Variants in NXPE2 observed in about 807,000 individuals in gnomAD.
NXPE2 encodes the protein neurexophilin and PC-esterase domain family member 2.
In NXPE2, 34 loss-of-function variants were observed where a neutral mutation model predicts 34.4. That is an observed-to-expected ratio of 0.99 (90% CI 0.75 to 1.31). The LOEUF (loss-of-function observed/expected upper bound fraction) is 1.31. Among genes scored for constraint, NXPE2 ranks in the 40% most tolerant of loss-of-function variants. The probability of loss-of-function intolerance (pLI) is 0.00; values close to 1 mark genes in which losing one functional copy is unlikely to be tolerated. For synonymous variants in NXPE2, 235 were observed against 231.3 expected (o/e 1.02, Z -0.15); for missense variants, 649 against 672.5 (o/e 0.97, Z 0.39).
chr11:114,708,651 G>GAAAAT, downstream of NXPE2, among the ~76,000 whole-genome samples: 1 of 151,294 alleles, frequency 6.6e-6, no homozygotes, highest in South Asian at 2.1e-4. Context: ...GAAAAGAAAA[G>GAAAAT]AAAAGAAAAG....
chr11:114,524,434 C>G, the NXPE2 span, among the ~76,000 whole-genome samples: 1 of 152,114 alleles, frequency 6.6e-6, no homozygotes, highest in African/African-American at 2.4e-5. Flanking sequence ...GTATTTGTAA[C>G]CTATGGACAA....
the NXPE2 span, among the ~76,000 whole-genome samples, chr11:114,591,630 TC>T: frequency 6.6e-6 from 1 of 152,100 alleles, no homozygotes; most frequent in African/African-American, 2.4e-5. Flanking sequence ...TTTCCAGCCC[TC>T]AGGATGACTA....
chr11:114,526,271 C>T, the NXPE2 span, among the ~76,000 whole-genome samples: 2 of 152,138 alleles, frequency 1.3e-5, no homozygotes, highest in African/African-American at 4.8e-5. Context: ...GGACTACAGA[C>T]TATAAGATGA....
At chr11:114,649,918 T>C in the NXPE2 span, among the ~76,000 whole-genome samples, 6 of 152,192 alleles carry the variant, frequency 3.9e-5, no homozygotes, top group African/African-American at 1.4e-4. Context: ...TGCGTGCAGT[T>C]TGTAAGAAGC....
chr11:114,508,355 A>G, the NXPE2 span, among the ~76,000 whole-genome samples: 2 of 152,184 alleles, frequency 1.3e-5, no homozygotes, highest in South Asian at 4.1e-4. Flanking sequence ...TTCCTATTCA[A>G]CTACCATTGA....
At chr11:114,534,798 C>T in the NXPE2 span, among the ~76,000 whole-genome samples, 21 of 152,270 alleles carry the variant, frequency 1.4e-4, no homozygotes, top group South Asian at 4.1e-4. Context: ...ACCAAATCTA[C>T]GTCTAATTGG....
At chr11:114,748,295 C>T in the NXPE2 span, among the ~76,000 whole-genome samples, 3,065 of 152,292 alleles carry the variant, frequency 0.02, 98 homozygotes, top group African/African-American at 0.071. Context: ...CTAGTACATG[C>T]AGTTCCTACT....
the NXPE2 span, among the ~76,000 whole-genome samples, chr11:114,622,362 A>G: frequency 6.6e-6 from 1 of 152,098 alleles, no homozygotes; most frequent in African/African-American, 2.4e-5. Flanking sequence ...GTGGGTAACC[A>G]CTGTTACCAA....
chr11:114,576,504 GA>G, the NXPE2 span, among the ~76,000 whole-genome samples: 18 of 149,684 alleles, frequency 1.2e-4, no homozygotes, highest in African/African-American at 4.2e-4. Context: ...AAATCAGCAA[GA>G]AAAAAAAAGT....
At chr11:114,537,634 G>A in the NXPE2 span, among the ~76,000 whole-genome samples, 20 of 151,954 alleles carry the variant, frequency 1.3e-4, no homozygotes, top group African/African-American at 1.9e-4. Context: ...TTATACACCA[G>A]TAACAGACAA....
At chr11:114,701,124 G>A (rs914926643) in intron 3 of NXPE2, among the ~76,000 whole-genome samples, 1 of 151,948 alleles carries the variant, frequency 6.6e-6, no homozygotes, top group African/African-American at 2.4e-5. Flanking sequence ...AAAGAAGCTG[G>A]GATTTTAAAA....
the NXPE2 span, among the ~76,000 whole-genome samples, chr11:114,805,162 C>T: frequency 3.3e-5 from 5 of 151,612 alleles, no homozygotes; most frequent in Non-Finnish European, 7.4e-5. Context: ...AAACAAGTAA[C>T]CTTGGGTTAC....
rs553926632 is a variant in NXPE2, at chr11:114,684,179, G to A, written c.132+4417G>A. On this transcript the variant is annotated intron_variant, in intron 2 of 5. Transcript: ENST00000389586. Reference sequence around the variant, plus strand: ...CCGGTGGCTTATGCCTATAATCCAAGCACTTTGGGAGGCCGAGGCGGGCAG... The same window carrying A: ...CCGGTGGCTTATGCCTATAATCCAAACACTTTGGGAGGCCGAGGCGGGCAG... 5.3e-5 allele frequency among the ~76,000 whole-genome samples: 8 copies of A among 152,290 alleles called. No homozygotes were observed. In the East Asian group the frequency reaches 1.5e-3, roughly 29 times the overall value.
the NXPE2 span, among the ~76,000 whole-genome samples, chr11:114,762,235 G>T: frequency 6.6e-6 from 1 of 152,112 alleles, no homozygotes; most frequent in East Asian, 1.9e-4. Flanking sequence ...GTGGCATGGG[G>T]TACCTATGCA....
the NXPE2 span, among the ~76,000 whole-genome samples, chr11:114,756,488 A>G: frequency 1.3e-5 from 2 of 152,210 alleles, no homozygotes; most frequent in African/African-American, 4.8e-5. Context: ...TTGACATCCT[A>G]AAGTGTGATT....
chr11:114,788,003 G>A, the NXPE2 span, among the ~76,000 whole-genome samples: 9 of 152,184 alleles, frequency 5.9e-5, no homozygotes, highest in Admixed American at 4.6e-4. Flanking sequence ...ATGTGGTCCA[G>A]CCCCAGGACA....
chr11:114,505,287 C>T, the NXPE2 span, among the ~76,000 whole-genome samples: 1 of 152,124 alleles, frequency 6.6e-6, no homozygotes, highest in Admixed American at 6.6e-5. Context: ...ATGGAACCCA[C>T]TTGGAAAACG....
chr11:114,557,282 A>G, the NXPE2 span, among the ~76,000 whole-genome samples: 1 of 152,092 alleles, frequency 6.6e-6, no homozygotes, highest in East Asian at 1.9e-4. Flanking sequence ...CTACTTTAAT[A>G]ATTTCTACTC....
chr11:114,709,747 T>G (rs1859574625), downstream of NXPE2, among the ~76,000 whole-genome samples: 1 of 151,766 alleles, frequency 6.6e-6, no homozygotes, highest in South Asian at 2.1e-4. Context: ...CTACTAATCA[T>G]ACAAAATAGC....
Sources: gnomAD v4.1 joint callset for allele counts (sites outside exome capture counted in the v4.1 genomes callset) on GRCh38, gnomAD v4.1.1 for gene constraint, MANE v1.5 for transcripts, NCBI Gene and HGNC (gene_info 2026-07-23, HGNC 2026-07-21) for gene names.